The following EBF1 variants were observed in gnomAD, a reference collection of about 807,000 sequenced individuals.
EBF1 encodes the protein EBF transcription factor 1.
A neutral mutation model predicts 68.4 loss-of-function variants in EBF1; 10 were observed. The observed-to-expected ratio is 0.15, with a 90% CI of 0.09 to 0.25. EBF1 has a LOEUF of 0.25. Among genes scored for constraint, EBF1 ranks in the 10% least tolerant of loss-of-function variants. The probability of loss-of-function intolerance (pLI) is 1.00; values close to 1 mark genes in which losing one functional copy is unlikely to be tolerated. For missense variants in EBF1, 509 were observed against 794.4 expected, an observed-to-expected ratio of 0.64 and a Z score of 4.32; for synonymous variants, 298 against 299.8, an observed-to-expected ratio of 0.99 and a Z score of 0.06.
intron 6 of EBF1, among the ~76,000 whole-genome samples, chr5:159,014,140 T>C (rs757727804): frequency 6.6e-6 from 1 of 152,228 alleles, no homozygotes; most frequent in Non-Finnish European, 1.5e-5. Flanking sequence ...CTTTTATTAT[T>C]TCTTCTTCAA....
chr5:159,053,578 AC>A (rs1233874151), intron 6 of EBF1, among the ~76,000 whole-genome samples: 2 of 146,076 alleles, frequency 1.4e-5, no homozygotes, highest in Non-Finnish European at 3.0e-5. Context: ...GGGTATTTTA[AC>A]CCCTCTCTCC....
rs73300036 is a variant in EBF1, at chr5:158,852,492, A to T, written c.555-12382T>A. ...AACATGCCACACAAGCTGAGCTCAG[A>T]TAAAAACAAGTGACTCCTTAATTTG... On this transcript the variant is annotated intron_variant, in intron 6 of 15. Transcript: ENST00000313708. 8.9e-3 allele frequency among the ~76,000 whole-genome samples: 1,353 copies of T among 152,280 alleles called. 15 individuals are homozygous for T. Among genetic ancestry groups the T allele is most frequent in the African/African-American group, 0.031 (1,286 of 41,546 alleles).
chr5:158,851,901 AG>A lies in EBF1; in HGVS notation c.555-11792del, dbSNP rs1455474801. ...GTGTGGAGGGGTGGGGAGGGGAGGCAGGGGGGAGGAGAGGGGAAGGGAAGGG... is the reference window on the plus strand; with the variant it reads ...GTGTGGAGGGGTGGGGAGGGGAGGCAGGGGGAGGAGAGGGGAAGGGAAGGG... On this transcript the variant is annotated intron_variant, in intron 6 of 15. Transcript: ENST00000313708. Among the ~76,000 whole-genome samples the A allele has an allele frequency of 1.1e-3, 10 of 9,418 alleles. 1 individual carries two copies. Among genetic ancestry groups the A allele is most frequent in the African/African-American group, 5.4e-3 (10 of 1,868 alleles). The allele number at this position is 9,418 out of a possible 152,430, so 6.2% of individuals were successfully genotyped here. A position where few individuals can be genotyped will look rare whatever the true frequency, so the allele number is the denominator to read the frequency against.
chr5:158,870,510 C>T (rs1374073991), intron 6 of EBF1, among the ~76,000 whole-genome samples: 1 of 151,938 alleles, frequency 6.6e-6, no homozygotes, highest in African/African-American at 2.4e-5. Context: ...ATGGCAAAAC[C>T]CCATCTCTAC....
intron 9 of EBF1, among the ~76,000 whole-genome samples, chr5:158,782,422 G>A (rs534516644): frequency 5.9e-5 from 9 of 152,206 alleles, no homozygotes; most frequent in South Asian, 2.1e-4. Flanking sequence ...AGTTTGGGAC[G>A]CTGAGGCAGA....
intron 6 of EBF1, among the ~76,000 whole-genome samples, chr5:158,848,632 T>G (rs1194964201): frequency 6.6e-6 from 1 of 152,220 alleles, no homozygotes; most frequent in Non-Finnish European, 1.5e-5. Context: ...TTATACTATA[T>G]GTAATTATGA....
At chr5:158,850,106 T>G (rs1474906307) in intron 6 of EBF1, among the ~76,000 whole-genome samples, 3 of 150,048 alleles carry the variant, frequency 2.0e-5, no homozygotes, top group Non-Finnish European at 3.0e-5. Flanking sequence ...GTTGAGAAAT[T>G]TTTATCTCCA....
chr5:158,701,515 A>G (rs1480399695), intron 15 of EBF1, among the ~76,000 whole-genome samples: 1 of 152,216 alleles, frequency 6.6e-6, no homozygotes, highest in Non-Finnish European at 1.5e-5. Flanking sequence ...ATTTTGGACC[A>G]TTGGGGCTGC....
chr5:158,702,650 A>G (rs1756989714), intron 15 of EBF1, among the ~76,000 whole-genome samples: 1 of 143,990 alleles, frequency 6.9e-6, no homozygotes, highest in Non-Finnish European at 1.5e-5. Flanking sequence ...AGGCTGAGGC[A>G]GGAGAATGGC....
intron 10 of EBF1, among the ~76,000 whole-genome samples, chr5:158,739,092 C>G (rs1252596973): frequency 6.6e-6 from 1 of 152,200 alleles, no homozygotes; most frequent in African/African-American, 2.4e-5. Flanking sequence ...TCTAAGCCTA[C>G]AAGGAGCTCT....
intron 6 of EBF1, among the ~76,000 whole-genome samples, chr5:158,858,424 A>G (rs1794422266): frequency 2.0e-5 from 3 of 152,186 alleles, no homozygotes; most frequent in African/African-American, 7.2e-5. Context: ...ACCTCTGGAT[A>G]ACAATGTCAT....
At chr5:158,825,417 A>G (rs1437177820) in intron 7 of EBF1, among the ~76,000 whole-genome samples, 1 of 152,084 alleles carries the variant, frequency 6.6e-6, no homozygotes, top group Non-Finnish European at 1.5e-5. Context: ...AAACTATAAA[A>G]GGAATCCCAA....
chr5:159,080,377 C>T lies in EBF1; in HGVS notation c.485+4289G>A, dbSNP rs148325182. The stretch of plus-strand genomic sequence containing the variant: ...TTATCTGCCAACCAATATCATCTCC[C>T]AGGCCACACCATAAGCTCCCCTACT... On this transcript the variant is annotated intron_variant, in intron 5 of 15. Coordinates refer to ENST00000313708, the MANE Select transcript of EBF1 (RefSeq NM_024007.5). Among the ~76,000 whole-genome samples the T allele has an allele frequency of 1.3e-3, 198 of 152,316 alleles. 1 individual carries two copies. Among genetic ancestry groups the T allele is most frequent in the African/African-American group, 4.4e-3 (183 of 41,556 alleles).
intron 8 of EBF1, among the ~76,000 whole-genome samples, chr5:158,797,006 G>A (rs955433315): frequency 3.9e-5 from 6 of 151,998 alleles, no homozygotes; most frequent in Non-Finnish European, 8.8e-5. Flanking sequence ...AAATCATTAC[G>A]ATTTTTTTTC....
chr5:158,776,077 T>A (rs994484118), intron 10 of EBF1, among the ~76,000 whole-genome samples: 1 of 152,148 alleles, frequency 6.6e-6, no homozygotes, highest in Non-Finnish European at 1.5e-5. Context: ...TTTGTTGGGA[T>A]GGCTGAGCTA....
chr5:158,915,677 C>T (rs115092354), intron 6 of EBF1, among the ~76,000 whole-genome samples: 10 of 152,138 alleles, frequency 6.6e-5, no homozygotes, highest in South Asian at 2.1e-4. Flanking sequence ...TGCCTTTTCA[C>T]GGAGGGAGAC....
chr5:159,069,466 A>C (rs752454105), intron 6 of EBF1, among the ~76,000 whole-genome samples: 10 of 152,150 alleles, frequency 6.6e-5, no homozygotes, highest in Non-Finnish European at 1.5e-4. Context: ...AAATGTTTTT[A>C]TAAGACCATC....
intron 4 of EBF1, among the ~76,000 whole-genome samples, chr5:159,087,222 T>C (rs1241047248): frequency 1.3e-5 from 2 of 150,304 alleles, no homozygotes; most frequent in African/African-American, 4.9e-5. Flanking sequence ...AGCTGGTAAA[T>C]AAATTCACAG....
intron 6 of EBF1, among the ~76,000 whole-genome samples, chr5:159,000,523 G>C (rs1017986251): frequency 6.6e-6 from 1 of 152,096 alleles, no homozygotes; most frequent in Non-Finnish European, 1.5e-5. Context: ...TTTCAAACTT[G>C]TGTATTGCAA....
Sources: gnomAD v4.1 joint callset for allele counts (sites outside exome capture counted in the v4.1 genomes callset) on GRCh38, gnomAD v4.1.1 for gene constraint, MANE v1.5 for transcripts, NCBI Gene and HGNC (gene_info 2026-07-23, HGNC 2026-07-21) for gene names.